The following IPCEF1 variants were observed in gnomAD, a reference collection of about 807,000 sequenced individuals.
IPCEF1 encodes the protein interactor protein for cytohesin exchange factors 1.
Under a neutral mutation model 50.9 loss-of-function variants are expected in IPCEF1, and 31 were observed. That is an observed-to-expected ratio of 0.61 (90% CI 0.46 to 0.82). IPCEF1 has a LOEUF of 0.82. Ranked by LOEUF, IPCEF1 falls within the 40% of genes least tolerant of loss-of-function variation. The probability of loss-of-function intolerance (pLI) is 0.00; values close to 1 mark genes in which losing one functional copy is unlikely to be tolerated. For missense variants in IPCEF1, 458 were observed against 514.0 expected, an observed-to-expected ratio of 0.89 and a Z score of 1.05; for synonymous variants, 181 against 192.0, an observed-to-expected ratio of 0.94 and a Z score of 0.47.
intron 10 of IPCEF1, among the ~76,000 whole-genome samples, chr6:154,184,489 C>T (rs1801165841): frequency 6.6e-6 from 1 of 151,932 alleles, no homozygotes; most frequent in African/African-American, 2.4e-5. Context: ...ATTCTATTTA[C>T]ATTTTTTTTA....
chr6:154,223,070 G>T, intron 6 of IPCEF1, 100 bp downstream of exon 6: 2 of 922,526 alleles, frequency 2.2e-6, no homozygotes, highest in African/African-American at 1.6e-5. Context: ...ACATTCCGAT[G>T]TTACCTTCAC....
chr6:154,291,302 C>T (rs62435679), intron 1 of IPCEF1, among the ~76,000 whole-genome samples: 7,142 of 152,190 alleles, frequency 0.047, 193 homozygotes, highest in African/African-American at 0.074. Context: ...TTGCATCTCA[C>T]AGAAAAATAA....
intron 10 of IPCEF1, among the ~76,000 whole-genome samples, chr6:154,197,865 C>T (rs559724904): frequency 5.3e-5 from 8 of 152,228 alleles, no homozygotes; most frequent in South Asian, 2.1e-4. Flanking sequence ...GTTCTACTTA[C>T]GACCCAGTGA....
At chr6:154,241,042 C>T (rs1234386313) in intron 5 of IPCEF1, among the ~76,000 whole-genome samples, 1 of 151,074 alleles carries the variant, frequency 6.6e-6, no homozygotes, top group African/African-American at 2.5e-5. Flanking sequence ...TCGAGACCAT[C>T]CTGGCCAACA....
chr6:154,169,662 C>A (rs1467846946), intron 10 of IPCEF1, among the ~76,000 whole-genome samples: 1 of 152,194 alleles, frequency 6.6e-6, no homozygotes, highest in Non-Finnish European at 1.5e-5. Flanking sequence ...CACACAGACT[C>A]CATCTCCCTT....
chr6:154,192,059 C>A (rs981853770), intron 10 of IPCEF1, among the ~76,000 whole-genome samples: 1 of 152,038 alleles, frequency 6.6e-6, no homozygotes, highest in Non-Finnish European at 1.5e-5. Context: ...GAATGAATTC[C>A]GGCTGGATAA....
chr6:154,214,329 A>C, intron 7 of IPCEF1, 53 bp from the exon 8 acceptor site: 2 of 1,173,028 alleles, frequency 1.7e-6, no homozygotes, highest in Non-Finnish European at 1.3e-6. Flanking sequence ...CCCCCCACCC[A>C]TTCACCTTCC....
At position 154,212,137 on chromosome 6, in the gene IPCEF1, T is replaced by C. The variant is rs1049031870; in HGVS notation, c.537+633A>G. 5.3e-5 allele frequency among the ~76,000 whole-genome samples: 8 copies of C among 152,230 alleles called. No individual in the cohort carries two copies. In the South Asian group the frequency reaches 8.3e-4, roughly 16 times the overall value. On this transcript the variant is annotated intron_variant, in intron 9 of 11. Transcript: ENST00000367220. ...AAATCACCTTCCCCAATGATCATTG[T>C]ATGACCCTTCCTCGGGGCCATTACT...
chr6:154,350,575 G>A (rs1300500167), intron 1 of IPCEF1, among the ~76,000 whole-genome samples: 1 of 152,154 alleles, frequency 6.6e-6, no homozygotes, highest in Non-Finnish European at 1.5e-5. Flanking sequence ...AATACAGATG[G>A]GCTTATTACT....
intron 9 of IPCEF1, among the ~76,000 whole-genome samples, chr6:154,206,780 C>T (rs1034339489): frequency 1.3e-5 from 2 of 152,126 alleles, no homozygotes; most frequent in Admixed American, 6.5e-5. Context: ...GCAAGTGGTC[C>T]TGCAAGTGGA....
chr6:154,310,224 C>T lies in IPCEF1; in HGVS notation c.-61-20468G>A, dbSNP rs114554073. On this transcript the variant is annotated intron_variant, in intron 1 of 11. Transcript: ENST00000367220. ...AGATGCCCACATCAAAACTGCCAGG[C>T]ATTTCTCAAAAGAGGACATATGATT... 2.7e-3 allele frequency among the ~76,000 whole-genome samples: 414 copies of T among 152,308 alleles called. 2 individuals carry two copies. The highest frequency in any genetic ancestry group is 9.6e-3 in the African/African-American group (399 of 41,560).
intron 3 of IPCEF1, among the ~76,000 whole-genome samples, chr6:154,264,070 A>G (rs1394774569): frequency 6.7e-6 from 1 of 150,286 alleles, no homozygotes; most frequent in Non-Finnish European, 1.5e-5. Flanking sequence ...AAAGCCTCCT[A>G]CCGCAGCCAC....
intron 1 of IPCEF1, among the ~76,000 whole-genome samples, chr6:154,293,586 C>A (rs937451171): frequency 5.3e-5 from 8 of 152,202 alleles, no homozygotes; most frequent in Admixed American, 2.6e-4. Flanking sequence ...ATTATTGTTA[C>A]TGTCCAGTGT....
At chr6:154,170,785 C>G (rs1799808685) in intron 10 of IPCEF1, among the ~76,000 whole-genome samples, 1 of 152,176 alleles carries the variant, frequency 6.6e-6, no homozygotes, top group Admixed American at 6.5e-5. Context: ...AAAAGACAGA[C>G]AGTAGTAAGT....
intron 11 of IPCEF1, among the ~76,000 whole-genome samples, chr6:154,161,667 T>C (rs1799029154): frequency 6.6e-6 from 1 of 152,212 alleles, no homozygotes; most frequent in Admixed American, 6.5e-5. Context: ...GAGGTACATT[T>C]AGGTATTTAC....
intron 10 of IPCEF1, among the ~76,000 whole-genome samples, chr6:154,188,123 A>G (rs1200849531): frequency 6.6e-6 from 1 of 152,248 alleles, no homozygotes; most frequent in African/African-American, 2.4e-5. Context: ...AAAATTTAGG[A>G]TAAATTACTA....
At chr6:154,196,158 A>G (rs564592235) in intron 10 of IPCEF1, among the ~76,000 whole-genome samples, 1 of 152,282 alleles carries the variant, frequency 6.6e-6, no homozygotes, top group South Asian at 2.1e-4. Flanking sequence ...TACTCAAAAA[A>G]ATGATATATA....
intron 3 of IPCEF1, among the ~76,000 whole-genome samples, chr6:154,264,769 C>T (rs1377723982): frequency 6.6e-6 from 1 of 152,152 alleles, no homozygotes; most frequent in Non-Finnish European, 1.5e-5. Flanking sequence ...GTCTTCATTG[C>T]CTTTTCAATT....
At chr6:154,273,083 G>A (rs1021403492) in intron 2 of IPCEF1, among the ~76,000 whole-genome samples, 6 of 152,290 alleles carry the variant, frequency 3.9e-5, no homozygotes, top group South Asian at 2.1e-4. Flanking sequence ...ATAGGAGCTA[G>A]GTTGATTCTC....
Sources: allele counts gnomAD v4.1 joint callset (sites outside exome capture counted in the v4.1 genomes callset), GRCh38; gene constraint gnomAD v4.1.1; transcripts MANE v1.5; gene names NCBI Gene and HGNC (gene_info 2026-07-23, HGNC 2026-07-21).